SAMD5: variants seen among roughly 807,000 people sequenced by gnomAD.
SAMD5 encodes the protein sterile alpha motif domain containing 5, also known as sterile alpha motif domain-containing protein 5.
Under a neutral mutation model 11.3 loss-of-function variants are expected in SAMD5, and 13 were observed. The ratio of observed to expected loss-of-function variants is 1.15; its 90% CI spans 0.75 to 1.83. SAMD5 has a LOEUF of 1.83. Among genes scored for constraint, SAMD5 ranks in the 40% most tolerant of loss-of-function variants. The probability of loss-of-function intolerance (pLI) is 0.00; values close to 1 mark genes in which losing one functional copy is unlikely to be tolerated. For missense variants in SAMD5, 255 were observed against 239.1 expected (o/e 1.07, Z -0.44); for synonymous variants, 129 against 111.3 (o/e 1.16, Z -1.00).
At chr6:147,610,723 G>GGCCCTCATTGTTGCAGTGTCTGC (rs1214293246) in intron 1 of SAMD5, among the ~76,000 whole-genome samples, 1 of 152,062 alleles carries the variant, frequency 6.6e-6, no homozygotes, top group Non-Finnish European at 1.5e-5. Flanking sequence ...GTGAGTGTCT[G>GGCCCTCATTGTTGCAGTGTCTGC]GCCCTCATTG....
intron 1 of SAMD5, among the ~76,000 whole-genome samples, chr6:147,583,909 C>G (rs1789337498): frequency 6.6e-6 from 1 of 151,926 alleles, no homozygotes; most frequent in Admixed American, 6.6e-5. Flanking sequence ...TTGACAAATA[C>G]ATGATAAAGT....
At chr6:147,543,550 G>T (rs181115387) in intron 1 of SAMD5, among the ~76,000 whole-genome samples, 57 of 152,230 alleles carry the variant, frequency 3.7e-4, no homozygotes, top group African/African-American at 1.3e-3. Flanking sequence ...TAATATTTAG[G>T]TATGTATACT....
intron 1 of SAMD5, among the ~76,000 whole-genome samples, chr6:147,633,460 G>A (rs886238506): frequency 6.6e-6 from 1 of 152,058 alleles, no homozygotes; most frequent in Non-Finnish European, 1.5e-5. Flanking sequence ...GGAATGACTA[G>A]GGACATCTTC....
intron 1 of SAMD5, among the ~76,000 whole-genome samples, chr6:147,593,265 C>T (rs1241632797): frequency 1.3e-5 from 2 of 152,142 alleles, no homozygotes; most frequent in Non-Finnish European, 2.9e-5. Context: ...ACCTGTCTCC[C>T]TATCCTAACA....
chr6:147,589,333 T>C (rs542058348), intron 1 of SAMD5, among the ~76,000 whole-genome samples: 28 of 152,216 alleles, frequency 1.8e-4, no homozygotes, highest in Admixed American at 2.0e-4. Context: ...AGTCCATCTA[T>C]AGGGACTTTT....
chr6:147,842,847 T>C, the SAMD5 span, among the ~76,000 whole-genome samples: 1 of 152,192 alleles, frequency 6.6e-6, no homozygotes, highest in Non-Finnish European at 1.5e-5. Context: ...TGGTTAGATG[T>C]TATTTAACAT....
At chr6:147,574,820 C>G (rs192060319), downstream of SAMD5, among the ~76,000 whole-genome samples, 3 of 152,242 alleles carry the variant, frequency 2.0e-5, no homozygotes, top group Admixed American at 2.0e-4. Flanking sequence ...ATGGCCTACT[C>G]ATATTTTAAA....
At chr6:147,604,000 T>C (rs955176021) in intron 1 of SAMD5, among the ~76,000 whole-genome samples, 4 of 152,178 alleles carry the variant, frequency 2.6e-5, no homozygotes, top group African/African-American at 9.6e-5. Context: ...TTTTTAGGCC[T>C]TAATTTCCCA....
chr6:147,943,135 A>G, the SAMD5 span, among the ~76,000 whole-genome samples: 117,452 of 152,068 alleles, frequency 0.77, 45,902 homozygotes, highest in Non-Finnish European at 0.84. Flanking sequence ...CTATTGCTTC[A>G]TCTTGCCTGA....
chr6:147,914,081 C>T, the SAMD5 span, among the ~76,000 whole-genome samples: 225 of 151,988 alleles, frequency 1.5e-3, no homozygotes, highest in African/African-American at 5.0e-3. Context: ...AGGCCGCATA[C>T]GGCCCAGGAT....
chr6:147,802,400 G>A, the SAMD5 span, among the ~76,000 whole-genome samples: 64 of 151,034 alleles, frequency 4.2e-4, no homozygotes, highest in African/African-American at 1.5e-3. Context: ...TTAAAAAGAC[G>A]AATAGCACCA....
At chr6:147,944,952 T>G in the SAMD5 span, among the ~76,000 whole-genome samples, 1 of 152,322 alleles carries the variant, frequency 6.6e-6, no homozygotes. Flanking sequence ...TCTCCCTTCA[T>G]GTGTCTTATA....
intron 1 of SAMD5, among the ~76,000 whole-genome samples, chr6:147,732,801 G>C (rs942949516): frequency 6.6e-6 from 1 of 152,294 alleles, no homozygotes; most frequent in Admixed American, 6.5e-5. Context: ...AACAGAATCA[G>C]AAGAGTAATT....
the SAMD5 span, among the ~76,000 whole-genome samples, chr6:147,798,374 G>A: frequency 1.3e-5 from 2 of 150,294 alleles, no homozygotes; most frequent in Non-Finnish European, 2.9e-5. Context: ...GTAGTTGAGC[G>A]GTTTTGAGTG....
the SAMD5 span, chr6:147,953,372 A>G: frequency 6.6e-6 from 1 of 152,160 alleles, no homozygotes; most frequent in Non-Finnish European, 1.5e-5. Context: ...ATAAATGGAT[A>G]TGAAATCTGA....
intron 1 of SAMD5, among the ~76,000 whole-genome samples, chr6:147,593,064 G>T (rs1789479374): frequency 6.6e-6 from 1 of 152,144 alleles, no homozygotes; most frequent in Admixed American, 6.5e-5. Context: ...GGGTTCATGT[G>T]TTGGGGAAAT....
At chr6:147,938,535 C>A in the SAMD5 span, among the ~76,000 whole-genome samples, 1 of 152,176 alleles carries the variant, frequency 6.6e-6, no homozygotes, top group Non-Finnish European at 1.5e-5. Flanking sequence ...GTCTTTCTGG[C>A]AGCCAGCACC....
the SAMD5 span, among the ~76,000 whole-genome samples, chr6:147,844,756 GA>G: frequency 6.6e-6 from 1 of 151,730 alleles, no homozygotes; most frequent in Non-Finnish European, 1.5e-5. Flanking sequence ...GCCAGGCACA[GA>G]AAGACAAATA....
chr6:147,951,968 AT>A, the SAMD5 span, among the ~76,000 whole-genome samples: 12 of 152,222 alleles, frequency 7.9e-5, no homozygotes, highest in Admixed American at 3.3e-4. Context: ...TGTAACACCT[AT>A]TAACAATCGA....
Sources: allele counts gnomAD v4.1 joint callset (sites outside exome capture counted in the v4.1 genomes callset), GRCh38; gene constraint gnomAD v4.1.1; transcripts MANE v1.5; gene names NCBI Gene and HGNC (gene_info 2026-07-23, HGNC 2026-07-21).